PSMD4: variants seen among roughly 807,000 people sequenced by gnomAD.
The protein encoded by PSMD4 is 26S proteasome non-ATPase regulatory subunit 4.
Under a neutral mutation model 39.7 loss-of-function variants are expected in PSMD4, and 5 were observed. That is an observed-to-expected ratio of 0.13 (90% CI 0.07 to 0.26). The LOEUF (loss-of-function observed/expected upper bound fraction) is 0.26, where lower values mean the gene tolerates loss of function less well. Among genes scored for constraint, PSMD4 ranks in the 10% least tolerant of loss-of-function variants. The pLI is 1.00. For synonymous variants in PSMD4, 143 were observed against 174.6 expected (o/e 0.82, Z 1.43); for missense variants, 272 against 486.1 (o/e 0.56, Z 4.14).
rs1693455536 is a variant in PSMD4, at chr1:151,266,570, A to G, written c.946A>G (p.Thr316Ala). 2 of 1,614,206 alleles carry G rather than the reference A, an allele frequency of 1.2e-6. No homozygotes were observed. Among genetic ancestry groups the G allele is most frequent in the Non-Finnish European group, 1.7e-6 (2 of 1,180,034 alleles). ...ADIDASSAMD[T>A]SEPAKEEDDY... The stretch of plus-strand genomic sequence containing the variant: ...CATTGATGCCAGCTCAGCTATGGAC[A>G]CATCTGAGCCAGCCAAGGTGAGACC... Residue 316 changes from threonine (T) to alanine (A), a missense_variant, in exon 9 of 10, where the codon ACA (threonine) becomes GCA (alanine). Coordinates refer to ENST00000368884, the MANE Select transcript of PSMD4 (RefSeq NM_002810.4).
At chr1:151,256,285 A>G (rs587604372) in intron 1 of PSMD4, among the ~76,000 whole-genome samples, 5 of 147,128 alleles carry the variant, frequency 3.4e-5, no homozygotes, top group African/African-American at 9.9e-5. Context: ...TGGAGGTTGC[A>G]GTGAGCCGAG....
chr1:151,262,923 C>T (rs1693345281), intron 2 of PSMD4: 1 of 153,382 alleles, frequency 6.5e-6, no homozygotes, highest in Non-Finnish European at 1.5e-5. Flanking sequence ...GTTTTAGGAA[C>T]TGATAATTCT....
At chr1:151,257,050 G>A (rs1285920843) in intron 1 of PSMD4, among the ~76,000 whole-genome samples, 1 of 152,162 alleles carries the variant, frequency 6.6e-6, no homozygotes, top group Non-Finnish European at 1.5e-5. Context: ...TGCCCGGCCG[G>A]TCTTCCAGGA....
chr1:151,254,841 G>A (rs1693126569), intron 1 of PSMD4, 33 bp downstream of exon 1: 2 of 1,483,276 alleles, frequency 1.3e-6, no homozygotes, highest in East Asian at 5.6e-5. Flanking sequence ...GAGGGGCAGA[G>A]CTGGGTTCCG....
At chr1:151,257,116 G>C (rs909942051) in intron 1 of PSMD4, among the ~76,000 whole-genome samples, 1 of 152,212 alleles carries the variant, frequency 6.6e-6, no homozygotes, top group African/African-American at 2.4e-5. Context: ...TAATTTTTGT[G>C]TATGGTATAA....
intron 9 of PSMD4, 133 bp downstream of exon 9, chr1:151,266,720 T>C: frequency 9.0e-7 from 1 of 1,108,844 alleles, no homozygotes. Flanking sequence ...TTGCATTTCT[T>C]ACATGTAAAC....
At position 151,256,892 on chromosome 1, in the gene PSMD4, G is replaced by A. The variant is rs144744691; in HGVS notation, c.26+2084G>A. 3.4e-4 allele frequency among the ~76,000 whole-genome samples: 51 copies of A among 152,156 alleles called. No homozygotes were observed. In the East Asian group the frequency reaches 8.9e-3, roughly 26 times the overall value. ...AGCCTCCTTAGTAGCTGGGATTACA[G>A]GCATGCGCCACCACGCCCAGCTAAT... On this transcript the variant is annotated intron_variant, in intron 1 of 9. Coordinates refer to ENST00000368884, the MANE Select transcript of PSMD4 (RefSeq NM_002810.4).
intron 6 of PSMD4, 41 bp downstream of exon 6, chr1:151,265,650 C>T (rs1397342700): frequency 6.3e-7 from 1 of 1,580,950 alleles, no homozygotes; most frequent in Non-Finnish European, 8.7e-7. Flanking sequence ...AAAGGTCCCT[C>T]TTTGTTCTCT....
intron 9 of PSMD4, chr1:151,266,818 G>A: frequency 1.3e-6 from 1 of 742,078 alleles, no homozygotes; most frequent in Admixed American, 2.1e-5. Flanking sequence ...GGAGCAGCCT[G>A]GGCAGTTCTC....
At chr1:151,255,931 A>G (rs1344421112) in intron 1 of PSMD4, among the ~76,000 whole-genome samples, 1 of 151,712 alleles carries the variant, frequency 6.6e-6, no homozygotes, top group Non-Finnish European at 1.5e-5. Context: ...TTTTAGTAAT[A>G]GCCATTCTGA....
intron 2 of PSMD4, chr1:151,263,707 C>T (rs1693367208): frequency 1.5e-5 from 5 of 323,828 alleles, no homozygotes; most frequent in African/African-American, 4.4e-5. Context: ...AGTGGGTGCC[C>T]GTAGTCCCAG....
chr1:151,254,945 T>C (rs1693129469), intron 1 of PSMD4, 137 bp downstream of exon 1: 1 of 1,105,162 alleles, frequency 9.0e-7, no homozygotes, highest in South Asian at 1.9e-5. Flanking sequence ...AGGAGCCCGC[T>C]GGACTCCCTG....
chr1:151,262,089 C>T, intron 1 of PSMD4, 72 bp from the exon 2 acceptor site: 2 of 1,570,792 alleles, frequency 1.3e-6, no homozygotes, highest in Non-Finnish European at 1.7e-6. Flanking sequence ...TAGGGGGCCT[C>T]TGGAACTGGA....
chr1:151,264,361 C>T (rs1210516041), intron 3 of PSMD4, among the ~76,000 whole-genome samples: 2 of 146,622 alleles, frequency 1.4e-5, no homozygotes, highest in Admixed American at 1.4e-4. Flanking sequence ...AAAAAAAGGC[C>T]GGGCGCGGTG....
Position 151,264,610 on chromosome 1 carries a change from C to CA in PSMD4, c.283-209dup, listed in dbSNP as rs374275752. Among the ~76,000 whole-genome samples, 823 of 126,578 alleles carry CA rather than the reference C, an allele frequency of 6.5e-3. 3 individuals carry two copies. The highest frequency in any genetic ancestry group is 0.031 in the Middle Eastern group (8 of 256). The allele number at this position is 126,578 out of a possible 152,430, so 83.0% of individuals were successfully genotyped here. A position where few individuals can be genotyped will look rare whatever the true frequency, so the allele number is the denominator to read the frequency against. ...TGGGCGACAGAGCGAGACTCCATCT[C>CA]AAAAAAAAAAAAAGAGAGAAAGAGA... is the stretch of plus-strand genomic sequence containing the variant. On this transcript the variant is annotated intron_variant, in intron 3 of 9. Transcript: ENST00000368884.
chr1:151,254,819 A>T lies in PSMD4; in HGVS notation c.26+11A>T. On this transcript the variant is annotated intron_variant, in intron 1 of 9. Coordinates refer to ENST00000368884, the MANE Select transcript of PSMD4 (RefSeq NM_002810.4). Reference sequence around the variant, plus strand: ...AAGCACTATGGTGTGGTGAGGAGCTACTTCGGGGCAGGAGGGGCAGAGCTG... The same window carrying T: ...AAGCACTATGGTGTGGTGAGGAGCTTCTTCGGGGCAGGAGGGGCAGAGCTG... The T allele has an allele frequency of 6.6e-7, 1 of 1,516,450 alleles. No individual in the cohort carries two copies. Among genetic ancestry groups the T allele is most frequent in the Non-Finnish European group, 8.8e-7 (1 of 1,139,014 alleles). The allele number at this position is 1,516,450 out of a possible 1,614,324, so 93.9% of individuals were successfully genotyped here.
chr1:151,255,457 C>T (rs1173561338), intron 1 of PSMD4, among the ~76,000 whole-genome samples: 1 of 152,252 alleles, frequency 6.6e-6, no homozygotes, highest in East Asian at 1.9e-4. Flanking sequence ...AAGGCTTTAT[C>T]CGGTGAGGTA....
Position 151,264,031 on chromosome 1 carries a change from G to A in PSMD4, c.282+3G>A. 6.4e-7 allele frequency: 1 copy of A among 1,573,670 alleles called. No individual in the cohort carries two copies. The highest frequency in any genetic ancestry group is 1.8e-5 in the Admixed American group (1 of 55,986). ...GCACGGGCATCCGCGTGGCCCATGT[G>A]AGTCCTACTGGGTTCCCTGGACCTT... is the stretch of plus-strand genomic sequence containing the variant. On this transcript the variant is annotated splice_donor_region_variant and intron_variant, in intron 3 of 9. Coordinates refer to ENST00000368884, the MANE Select transcript of PSMD4 (RefSeq NM_002810.4).
At chr1:151,256,637 A>C (rs773407498) in intron 1 of PSMD4, among the ~76,000 whole-genome samples, 12 of 146,506 alleles carry the variant, frequency 8.2e-5, no homozygotes, top group African/African-American at 2.3e-4. Flanking sequence ...GGGTTTCATC[A>C]TGTTGGCCAG....
Sources: allele counts gnomAD v4.1 joint callset (sites outside exome capture counted in the v4.1 genomes callset), GRCh38; gene constraint gnomAD v4.1.1; transcripts MANE v1.5; gene names NCBI Gene and HGNC (gene_info 2026-07-23, HGNC 2026-07-21).